The following DLG5 variants were observed in gnomAD, a reference collection of about 807,000 sequenced individuals.
The protein encoded by DLG5 is disks large homolog 5.
In DLG5, 48 loss-of-function variants were observed where a neutral mutation model predicts 189.8. The ratio of observed to expected loss-of-function variants is 0.25; its 90% CI spans 0.20 to 0.32. DLG5 has a LOEUF of 0.32. Among genes scored for constraint, DLG5 ranks in the 10% least tolerant of loss-of-function variants. The pLI, the probability that DLG5 is intolerant of heterozygous loss-of-function variation, is 1.00. For synonymous variants in DLG5, 1,016 were observed against 1,054.1 expected (o/e 0.96, Z 0.70); for missense variants, 2,160 against 2,544.7 (o/e 0.85, Z 3.25).
chr10:77,801,099 T>C (rs1386437610), intron 27 of DLG5, among the ~76,000 whole-genome samples: 1 of 152,022 alleles, frequency 6.6e-6, no homozygotes, highest in African/African-American at 2.4e-5. Flanking sequence ...CAATAAACAA[T>C]AACTAGGCAT....
intron 1 of DLG5, among the ~76,000 whole-genome samples, chr10:77,879,895 G>A (rs1845223141): frequency 6.6e-6 from 1 of 151,926 alleles, no homozygotes; most frequent in East Asian, 2.0e-4. Context: ...GGAGGTGTCA[G>A]GCAGGCAGAT....
intron 15 of DLG5, 171 bp downstream of exon 15, chr10:77,820,911 A>C: frequency 1.3e-6 from 1 of 772,548 alleles, no homozygotes; most frequent in Non-Finnish European, 2.0e-6. Flanking sequence ...CTTCCACGCC[A>C]CTTACCTACC....
At chr10:77,914,145 A>G (rs1846297877) in intron 1 of DLG5, among the ~76,000 whole-genome samples, 1 of 152,194 alleles carries the variant, frequency 6.6e-6, no homozygotes, top group Non-Finnish European at 1.5e-5. Flanking sequence ...CACAGGTCAC[A>G]GCAATGCCCT....
At chr10:77,900,192 A>C (rs918291421) in intron 1 of DLG5, among the ~76,000 whole-genome samples, 6 of 152,148 alleles carry the variant, frequency 3.9e-5, no homozygotes, top group Admixed American at 3.9e-4. Flanking sequence ...GCTCAGAAAC[A>C]GAAGCAGATT....
At chr10:77,846,833 A>C in intron 5 of DLG5, 1 of 412,874 alleles carries the variant, frequency 2.4e-6, no homozygotes, top group Non-Finnish European at 4.9e-6. Flanking sequence ...ACAAGGTGGC[A>C]GCCGCGGGGA....
chr10:77,819,525 A>G (rs1842230128), intron 16 of DLG5, 60 bp from the exon 17 acceptor site: 7 of 1,559,944 alleles, frequency 4.5e-6, no homozygotes, highest in Non-Finnish European at 6.1e-6. Flanking sequence ...CAGGACTTAC[A>G]CAAGCCTTTC....
chr10:77,899,219 G>A (rs1461673142), intron 1 of DLG5, among the ~76,000 whole-genome samples: 2 of 152,188 alleles, frequency 1.3e-5, no homozygotes, highest in Non-Finnish European at 2.9e-5. Context: ...CTCCCAGACT[G>A]GGGGAGCTCA....
chr10:77,884,278 C>T (rs927424847), intron 1 of DLG5, among the ~76,000 whole-genome samples: 2 of 152,168 alleles, frequency 1.3e-5, no homozygotes, highest in East Asian at 3.9e-4. Context: ...GTCAATTAAG[C>T]AGGCAATTGA....
rs757068466 is a variant in DLG5, at chr10:77,854,295, G to C, written c.612C>G (p.Ser204Arg). Reference sequence around the variant, plus strand: ...AGGCGTTGGTGTGCTGGTTCTGCAGGCTCTGCAGGTCCGACATGGCTCGCA... The same window carrying C: ...AGGCGTTGGTGTGCTGGTTCTGCAGCCTCTGCAGGTCCGACATGGCTCGCA... ...QCVRAMSDLQ[S>R]LQNQHTNALK... The change falls in exon 4 of 32, where the codon AGC (serine) becomes AGG (arginine). Residue 204 changes from serine (S) to arginine (R), a missense_variant. Ser to Arg is a moderately radical substitution (Grantham distance 110). Coordinates refer to ENST00000372391, the MANE Select transcript of DLG5 (RefSeq NM_004747.4). 6.8e-6 allele frequency: 11 copies of C among 1,614,206 alleles called. No homozygotes were observed. Among genetic ancestry groups the C allele is most frequent in the Non-Finnish European group, 9.3e-6 (11 of 1,180,044 alleles).
chr10:77,822,216 T>TA, intron 14 of DLG5, 115 bp from the exon 15 acceptor site: 1 of 1,168,512 alleles, frequency 8.6e-7, no homozygotes, highest in Non-Finnish European at 1.2e-6. Flanking sequence ...ACCTGCCCCT[T>TA]AAAAAAGAGA....
intron 9 of DLG5, among the ~76,000 whole-genome samples, chr10:77,831,359 G>A (rs528860898): frequency 3.3e-5 from 5 of 151,926 alleles, no homozygotes; most frequent in East Asian, 3.9e-4. Flanking sequence ...AGGTCACACC[G>A]CTGCACTCCA....
chr10:77,854,192 G>T, intron 4 of DLG5, 35 bp downstream of exon 4: 1 of 1,610,192 alleles, frequency 6.2e-7, no homozygotes, highest in Admixed American at 1.7e-5. Flanking sequence ...CTGTCTGTGG[G>T]TGTTGGAGGC....
intron 27 of DLG5, among the ~76,000 whole-genome samples, chr10:77,799,223 G>T (rs1413358945): frequency 1.3e-5 from 2 of 152,188 alleles, no homozygotes; most frequent in African/African-American, 4.8e-5. Flanking sequence ...TGGTCCTGGG[G>T]GTTCCAACCT....
chr10:77,928,908 A>T (rs1846760594), upstream of DLG5: 1 of 152,152 alleles, frequency 6.6e-6, no homozygotes. Context: ...CAAGCCTGTA[A>T]TCCCAGCTGT....
At chr10:77,878,578 C>G (rs935236436) in intron 1 of DLG5, among the ~76,000 whole-genome samples, 1 of 152,176 alleles carries the variant, frequency 6.6e-6, no homozygotes, top group Non-Finnish European at 1.5e-5. Context: ...ATTGAGTACT[C>G]TGTATACTTC....
chr10:77,798,233 C>A (rs11002300), intron 27 of DLG5, among the ~76,000 whole-genome samples: 6,277 of 152,174 alleles, frequency 0.041, 445 homozygotes, highest in African/African-American at 0.14. Flanking sequence ...CCACATACAT[C>A]CACACAGTCT....
At position 77,824,486 on chromosome 10, in the gene DLG5, G is replaced by C. The variant is rs368498877; in HGVS notation, c.2290-10C>G. On this transcript the variant is annotated splice_polypyrimidine_tract_variant and intron_variant, in intron 13 of 31. Coordinates refer to ENST00000372391, the MANE Select transcript of DLG5 (RefSeq NM_004747.4). ...GTGCAATGCCATTGATCTAGAGCAGGACAGAGAGCATGTCAGGCCACAGGC... is the reference window on the plus strand; with the variant it reads ...GTGCAATGCCATTGATCTAGAGCAGCACAGAGAGCATGTCAGGCCACAGGC... The C allele has an allele frequency of 1.4e-5, 23 of 1,610,798 alleles. No individual in the cohort carries two copies. The African/African-American group carries it at 2.9e-4, about 21-fold the overall frequency.
chr10:77,895,926 C>A (rs575336558), intron 1 of DLG5, among the ~76,000 whole-genome samples: 1 of 152,294 alleles, frequency 6.6e-6, no homozygotes, highest in African/African-American at 2.4e-5. Flanking sequence ...GCATCTTTTA[C>A]AAAGCTCAGA....
At chr10:77,865,813 C>T (rs1844654882) in intron 2 of DLG5, among the ~76,000 whole-genome samples, 1 of 152,102 alleles carries the variant, frequency 6.6e-6, no homozygotes, top group Non-Finnish European at 1.5e-5. Context: ...GACCTGCTGC[C>T]TTTAAGGCTG....
Sources: gnomAD v4.1 joint callset for allele counts (sites outside exome capture counted in the v4.1 genomes callset) on GRCh38, gnomAD v4.1.1 for gene constraint, MANE v1.5 for transcripts, NCBI Gene and HGNC (gene_info 2026-07-23, HGNC 2026-07-21) for gene names.